The following SLC4A11 variants were observed in gnomAD, a reference collection of about 807,000 sequenced individuals.
The protein encoded by SLC4A11 is solute carrier family 4 member 11, also known as bicarbonate transporter related protein 1.
SLC4A11 carries 74 observed loss-of-function variants against 95.0 expected under a neutral mutation model. That is an observed-to-expected ratio of 0.78 (90% CI 0.65 to 0.95). The LOEUF (loss-of-function observed/expected upper bound fraction) is 0.95. Ranked by LOEUF, SLC4A11 falls within the 40% of genes least tolerant of loss-of-function variation. The probability of loss-of-function intolerance (pLI) is 0.00; values close to 1 mark genes in which losing one functional copy is unlikely to be tolerated. For missense variants in SLC4A11, 1,081 were observed against 1,192.4 expected (o/e 0.91, Z 1.38); for synonymous variants, 548 against 519.0 (o/e 1.06, Z -0.76).
intron 1 of SLC4A11, chr20:3,238,485 T>A: frequency 9.9e-7 from 1 of 1,009,152 alleles, no homozygotes; most frequent in East Asian, 1.0e-4. Context: ...CTGGGAGGGT[T>A]GGGCCGGTGC....
At chr20:3,233,712 G>A (rs904672677) in intron 6 of SLC4A11, 75 bp from the exon 7 acceptor site, 6 of 1,597,454 alleles carry the variant, frequency 3.8e-6, no homozygotes, top group African/African-American at 1.3e-5. Flanking sequence ...GAACCCCCTC[G>A]ACCTTGACCC....
Position 3,229,892 on chromosome 20 carries a change from G to A in SLC4A11, c.1490-116C>T, listed in dbSNP as rs532536111. ...AGGGGGAAGGTGAGGGGACCCTGCC[G>A]ACGTGCCCATGCACCCACACTCCTG... On this transcript the variant is annotated intron_variant, in intron 13 of 19. Transcript: ENST00000642402. 2.0e-5 allele frequency: 29 copies of A among 1,428,130 alleles called. No homozygotes were observed. The East Asian group carries it at 2.0e-4, about 10-fold the overall frequency. The allele number at this position is 1,428,130 out of a possible 1,614,324, so 88.5% of individuals were successfully genotyped here.
rs759777260 is a variant in SLC4A11 at position 3,229,443 on chromosome 20, C to A, written c.1752G>T (p.Leu584=). 2 of 1,613,214 alleles carry A rather than the reference C, an allele frequency of 1.2e-6. No homozygotes were observed. Among genetic ancestry groups the A allele is most frequent in the Non-Finnish European group, 1.7e-6 (2 of 1,180,008 alleles). Residue 584 remains leucine, a synonymous_variant, in exon 15 of 20, where the codon CTG becomes CTT. Transcript: ENST00000642402. The stretch of plus-strand genomic sequence containing the variant: ...ACAGGATCTCTCGCACGCAGGGGTG[C>A]AGGTAGGGGCTGGGGACAGCAGGTG... ...TLYQFKKSPY[L]HPCVREILSD...
intron 7 of SLC4A11, among the ~76,000 whole-genome samples, chr20:3,233,248 G>A (rs192499644): frequency 4.4e-4 from 67 of 152,312 alleles, no homozygotes; most frequent in Middle Eastern, 3.4e-3. Context: ...GGGCGGGCAG[G>A]CCAGAGAAGG....
At chr20:3,237,972 C>T in intron 1 of SLC4A11, 1 of 1,550,026 alleles carries the variant, frequency 6.5e-7, no homozygotes, top group Non-Finnish European at 8.7e-7. Flanking sequence ...GAGCGGGCCT[C>T]TCCCCCTCTC....
At chr20:3,237,475 C>CT (rs2122649029) in intron 2 of SLC4A11, 69 bp downstream of exon 2, 2 of 1,496,424 alleles carry the variant, frequency 1.3e-6, no homozygotes, top group Non-Finnish European at 1.9e-6. Flanking sequence ...GGTGGGTAGG[C>CT]TATGCACCCT....
chr20:3,231,928 G>T lies in SLC4A11; in HGVS notation c.730-380C>A, dbSNP rs1295650804. Among the ~76,000 whole-genome samples, 1 of 152,200 alleles carries T rather than the reference G, an allele frequency of 6.6e-6. No homozygotes were observed. Among genetic ancestry groups the T allele is most frequent in the East Asian group, 1.9e-4 (1 of 5,196 alleles). ...CTGTCTAGGCCTCCCAAAGTGCTGG[G>T]ATTACAGGCACGAGCCACTGTGCCC... is the stretch of plus-strand genomic sequence containing the variant. On this transcript the variant is annotated intron_variant, in intron 7 of 19. Transcript: ENST00000642402. This position sits in a 1 kb window ranked among gnomAD's most constrained non-coding sequence, Gnocchi z 5.2.
At chr20:3,236,890 G>T (rs1233422112) in intron 2 of SLC4A11, among the ~76,000 whole-genome samples, 2 of 152,148 alleles carry the variant, frequency 1.3e-5, no homozygotes, top group Admixed American at 1.3e-4. Flanking sequence ...GGTTCCTGGG[G>T]GGCTCCTGCA....
In SLC4A11 at chr20:3,234,149, T is replaced by C. The variant is rs1372137869; in HGVS notation, c.457A>G (p.Asn153Asp). The change falls in exon 5 of 20, where the codon AAC becomes GAC. Residue 153 changes from asparagine to aspartate, a missense_variant. Around this residue, in one of 3 missense-constraint regions of SLC4A11, gnomAD observed 310 missense variants for 313.5 expected, o/e 0.99. Transcript: ENST00000642402. The surrounding 1 kb of genome is among the most constrained non-coding windows in gnomAD (Gnocchi z 5.8). ...GCCATGAGCAGGTCCAGGTTGCAGT[T>C]GGGCTCATTGTTGTCAGGGTCCCTG... ...FARDPDNNEP[N>D]CNLDLLMAML... 6.2e-7 allele frequency: 1 copy of C among 1,614,098 alleles called. No homozygotes were observed. The highest frequency in any genetic ancestry group is 1.1e-5 in the South Asian group (1 of 91,088).
Position 3,234,080 on chromosome 20 carries a change from C to A in SLC4A11, c.523+3G>T. The A allele has an allele frequency of 6.2e-7, 1 of 1,613,936 alleles. No homozygotes were observed. Among genetic ancestry groups the A allele is most frequent in the Non-Finnish European group, 8.5e-7 (1 of 1,180,018 alleles). ...CCCGCCCGGGCCGGGAGACCGGCCT[C>A]ACCTTTACCCCGCATGGGTGCCCCG... On this transcript the variant is annotated splice_donor_region_variant and intron_variant, in intron 5 of 19. Coordinates refer to ENST00000642402, the MANE Select transcript of SLC4A11 (RefSeq NM_001174089.2). This position sits in a 1 kb window ranked among gnomAD's most constrained non-coding sequence, Gnocchi z 5.8.
rs3803958 is a variant in SLC4A11, at chr20:3,235,025, T to C, written c.89-131A>G. The C allele has an allele frequency of 4.0e-4, 449 of 1,127,928 alleles. 6 individuals carry two copies. In the East Asian group the frequency reaches 9.2e-3, roughly 23 times the overall value. The allele number at this position is 1,127,928 out of a possible 1,614,324, so 69.9% of individuals were successfully genotyped here. ...GGCCGTGGTGGGAGAGGCCATCCCA[T>C]AGGCGAGGAAGGCAGCTTCTAGTCC... On this transcript the variant is annotated intron_variant, in intron 2 of 19. Coordinates refer to ENST00000642402, the MANE Select transcript of SLC4A11 (RefSeq NM_001174089.2).
rs41281862 is a variant in SLC4A11 at position 3,230,658 on chromosome 20, G to C, written c.1283-11C>G. 9 of 1,613,286 alleles carry C rather than the reference G, an allele frequency of 5.6e-6. No homozygotes were observed. Among genetic ancestry groups the C allele is most frequent in the African/African-American group, 2.7e-5 (2 of 75,052 alleles). ...AGATGACACGAATCACTGCAGGCAG[G>C]GGGCAGGGCGGGTCAGGGCCCGGCA... On this transcript the variant is annotated splice_polypyrimidine_tract_variant and intron_variant, in intron 11 of 19. Coordinates refer to ENST00000642402, the MANE Select transcript of SLC4A11 (RefSeq NM_001174089.2).
chr20:3,238,600 A>G, intron 1 of SLC4A11: 1 of 991,132 alleles, frequency 1.0e-6, no homozygotes, highest in Non-Finnish European at 1.2e-6. Context: ...AGCAAGGGAG[A>G]AACCGCTGCG....
intron 1 of SLC4A11, chr20:3,238,448 G>T (rs2068059393): frequency 9.7e-7 from 1 of 1,028,602 alleles, no homozygotes; most frequent in Non-Finnish European, 1.2e-6. Context: ...GCGCTGGGGC[G>T]CGTCCCAGGC....
At position 3,238,095 on chromosome 20, in the gene SLC4A11, G is replaced by A. The variant is rs1260037965; in HGVS notation, c.44-507C>T. The A allele has an allele frequency of 2.3e-5, 33 of 1,465,064 alleles. No homozygotes were observed. The South Asian group carries it at 3.7e-4, about 16-fold the overall frequency. The allele number at this position is 1,465,064 out of a possible 1,614,324, so 90.8% of individuals were successfully genotyped here. On this transcript the variant is annotated intron_variant, in intron 1 of 19. Coordinates refer to ENST00000642402, the MANE Select transcript of SLC4A11 (RefSeq NM_001174089.2). ...GCGCAGTTCCCCCGACCCCCGTCACGCGCCCCGGGTCACACGGGGGCCGAC... is the reference window on the plus strand; with the variant it reads ...GCGCAGTTCCCCCGACCCCCGTCACACGCCCCGGGTCACACGGGGGCCGAC...
At chr20:3,239,491 C>G (rs2068087880), upstream of SLC4A11, 3 of 1,006,726 alleles carry the variant, frequency 3.0e-6, no homozygotes, top group South Asian at 4.7e-5. Flanking sequence ...TGGACGGGGC[C>G]GGGGAGCTTC....
At chr20:3,229,495 G>GCCCCT (rs780763142) in intron 14 of SLC4A11, 29 bp downstream of exon 14, 4 of 1,612,712 alleles carry the variant, frequency 2.5e-6, no homozygotes, top group Non-Finnish European at 2.5e-6. Flanking sequence ...GACCCATGCG[G>GCCCCT]CCCCTCCCCT....
rs776659347 is a variant in SLC4A11, at chr20:3,230,731, C to T, written c.1282+1G>A. 8 of 1,613,138 alleles carry T rather than the reference C, an allele frequency of 5.0e-6. No individual in the cohort carries two copies. The highest frequency in any genetic ancestry group is 2.7e-5 in the African/African-American group (2 of 74,950). On this transcript the variant is annotated splice_donor_variant, in intron 11 of 19. Coordinates refer to ENST00000642402, the MANE Select transcript of SLC4A11 (RefSeq NM_001174089.2). LOFTEE classifies it high-confidence loss of function. The stretch of plus-strand genomic sequence containing the variant: ...ATCTCCCGCCTCAGCCCCCACTGCA[C>T]CCTGGATGTAGAGCGCCAGGGGCGC...
At chr20:3,232,852 C>T (rs2067825756) in intron 7 of SLC4A11, among the ~76,000 whole-genome samples, 2 of 152,256 alleles carry the variant, frequency 1.3e-5, no homozygotes, top group South Asian at 4.1e-4. Context: ...TGGGCTATTG[C>T]TCCTTCTGTG....
Sources: allele counts gnomAD v4.1 joint callset (sites outside exome capture counted in the v4.1 genomes callset), GRCh38; gene constraint gnomAD v4.1.1; regional missense constraint gnomAD v4.1.1; non-coding constraint Gnocchi (gnomAD v3.1); transcripts MANE v1.5; gene names NCBI Gene and HGNC (gene_info 2026-07-23, HGNC 2026-07-21).